Variants in ZNF385D observed in about 807,000 individuals in gnomAD.
The protein encoded by ZNF385D is zinc finger protein 385D.
ZNF385D carries 15 observed loss-of-function variants against 35.8 expected under a neutral mutation model. The ratio of observed to expected loss-of-function variants is 0.42; its 90% CI spans 0.28 to 0.64. The LOEUF (loss-of-function observed/expected upper bound fraction) is 0.64, where lower values mean the gene tolerates loss of function less well. ZNF385D is among the 30% of genes least tolerant of loss of function. The pLI, the probability that ZNF385D is intolerant of heterozygous loss-of-function variation, is 0.23. For synonymous variants in ZNF385D, 212 were observed against 186.8 expected (o/e 1.13, Z -1.10); for missense variants, 474 against 494.6 (o/e 0.96, Z 0.39).
intron 3 of ZNF385D, among the ~76,000 whole-genome samples, chr3:21,900,323 A>T (rs259487): frequency 0.15 from 23,416 of 152,090 alleles, 2,070 homozygotes; most frequent in Middle Eastern, 0.18. Context: ...TTATGGAAAA[A>T]ATCAAATGGA....
chr3:22,353,532 C>T (rs1033585071), intron 2 of ZNF385D, among the ~76,000 whole-genome samples: 1 of 152,158 alleles, frequency 6.6e-6, no homozygotes, highest in Non-Finnish European at 1.5e-5. Context: ...ACCCTGCCAT[C>T]ACAACAATAG....
chr3:22,127,357 T>C (rs1281480150), intron 3 of ZNF385D, among the ~76,000 whole-genome samples: 1 of 75,114 alleles, frequency 1.3e-5, no homozygotes, highest in Non-Finnish European at 2.5e-5. Flanking sequence ...TTTTTTTTTT[T>C]GAGACAGAGT....
At chr3:22,278,434 T>C (rs567796042) in intron 2 of ZNF385D, among the ~76,000 whole-genome samples, 34 of 152,282 alleles carry the variant, frequency 2.2e-4, no homozygotes, top group African/African-American at 8.2e-4. Flanking sequence ...AGTCATTTTC[T>C]GTTTGCCACT....
At chr3:21,595,010 C>G (rs892190820) in intron 2 of ZNF385D, among the ~76,000 whole-genome samples, 1 of 152,196 alleles carries the variant, frequency 6.6e-6, no homozygotes, top group East Asian at 1.9e-4. Context: ...CTTTTTATAA[C>G]CAGCATTAAC....
chr3:22,244,531 G>T lies in ZNF385D; in HGVS notation c.107-75496C>A, dbSNP rs144705458. Among the ~76,000 whole-genome samples, 764 of 150,720 alleles carry T rather than the reference G, an allele frequency of 5.1e-3. 13 individuals carry two copies. The highest frequency in any genetic ancestry group is 8.1e-3 in the Non-Finnish European group (548 of 67,874). On this transcript the variant is annotated intron_variant, in intron 2 of 5. Coordinates refer to the ZNF385D transcript ENST00000494108. ...ATGAAACCCTTACTACTTTGAATTG[G>T]TATGATCAAATCCAAAATGAGATGC...
chr3:21,903,899 A>G (rs1699540378), intron 3 of ZNF385D, among the ~76,000 whole-genome samples: 1 of 152,202 alleles, frequency 6.6e-6, no homozygotes, highest in African/African-American at 2.4e-5. Context: ...AAAGTCACTC[A>G]ATATGAGCCT....
At chr3:21,762,921 C>T (rs998043050) in intron 3 of ZNF385D, among the ~76,000 whole-genome samples, 2 of 152,164 alleles carry the variant, frequency 1.3e-5, no homozygotes, top group African/African-American at 4.8e-5. Flanking sequence ...GCTCAACTTC[C>T]TCTTCTCCCT....
intron 3 of ZNF385D, among the ~76,000 whole-genome samples, chr3:21,813,062 TG>T (rs1234602030): frequency 1.4e-4 from 21 of 152,318 alleles, no homozygotes; most frequent in African/African-American, 5.1e-4. Flanking sequence ...CAGCCTCCGC[TG>T]GTGATACCCA....
intron 3 of ZNF385D, among the ~76,000 whole-genome samples, chr3:21,827,102 G>A (rs1048071581): frequency 3.9e-5 from 6 of 152,106 alleles, no homozygotes; most frequent in African/African-American, 1.4e-4. Flanking sequence ...TAGTTTCAGT[G>A]AAGATGAAAT....
intron 2 of ZNF385D, among the ~76,000 whole-genome samples, chr3:22,370,521 A>G (rs1199737276): frequency 6.7e-6 from 1 of 148,164 alleles, no homozygotes; most frequent in African/African-American, 2.7e-5. Context: ...GTATGAATCA[A>G]TCTATGGTAT....
chr3:22,030,289 A>C (rs1193878204), intron 3 of ZNF385D, among the ~76,000 whole-genome samples: 1 of 98,266 alleles, frequency 1.0e-5, no homozygotes, highest in African/African-American at 4.7e-5. Flanking sequence ...ATATATATAT[A>C]TATATATATA....
intron 4 of ZNF385D, among the ~76,000 whole-genome samples, chr3:21,492,625 A>G (rs1400060561): frequency 1.3e-5 from 2 of 151,762 alleles, no homozygotes; most frequent in Non-Finnish European, 2.9e-5. Context: ...TCCACCAAAA[A>G]CTACAAAAAT....
chr3:21,588,100 C>G (rs909829248), intron 2 of ZNF385D, among the ~76,000 whole-genome samples: 1 of 151,998 alleles, frequency 6.6e-6, no homozygotes, highest in Non-Finnish European at 1.5e-5. Flanking sequence ...AGTGTGCAGT[C>G]TAGTGGGGAT....
chr3:22,272,894 T>C (rs1165287721), intron 2 of ZNF385D, among the ~76,000 whole-genome samples: 1 of 151,972 alleles, frequency 6.6e-6, no homozygotes. Context: ...ACTTGTGGGT[T>C]ACCTCGGGGG....
chr3:22,133,608 C>G lies in ZNF385D; in HGVS notation c.325+35209G>C, dbSNP rs1703932253. 2.0e-5 allele frequency: 3 copies of G among 151,894 alleles called. No individual in the cohort carries two copies. In the South Asian group the frequency reaches 6.2e-4, roughly 32 times the overall value. The allele number at this position is 151,894 out of a possible 1,614,324, so 9.4% of individuals were successfully genotyped here. A position where few individuals can be genotyped will look rare whatever the true frequency, so the allele number is the denominator to read the frequency against. On this transcript the variant is annotated intron_variant, in intron 3 of 5. Coordinates refer to the ZNF385D transcript ENST00000494108. ...TAATTTTTTATATTAATTTTTATTT[C>G]TACTTAGAGGACTGGGGGGAGATAC...
chr3:21,673,314 G>C (rs992831399), intron 1 of ZNF385D, among the ~76,000 whole-genome samples: 2 of 152,094 alleles, frequency 1.3e-5, no homozygotes, highest in African/African-American at 4.8e-5. Context: ...AGCCACATGG[G>C]GCTAGAGGCT....
chr3:21,969,277 C>T (rs958895367), intron 3 of ZNF385D, among the ~76,000 whole-genome samples: 3 of 152,034 alleles, frequency 2.0e-5, no homozygotes, highest in East Asian at 3.9e-4. Context: ...TGCATAATCC[C>T]CACGTGTTAA....
chr3:21,444,202 C>T (rs897564714), intron 4 of ZNF385D, among the ~76,000 whole-genome samples: 1 of 151,432 alleles, frequency 6.6e-6, no homozygotes, highest in Non-Finnish European at 1.5e-5. Context: ...GCCTCAGCCT[C>T]CTGAGTAGCT....
chr3:22,088,753 T>C (rs1218391150), intron 3 of ZNF385D, among the ~76,000 whole-genome samples: 1 of 152,036 alleles, frequency 6.6e-6, no homozygotes, highest in Non-Finnish European at 1.5e-5. Context: ...GATAAGACCT[T>C]AGTAGTAAAA....
Sources: gnomAD v4.1 joint callset for allele counts (sites outside exome capture counted in the v4.1 genomes callset) on GRCh38, gnomAD v4.1.1 for gene constraint, MANE v1.5 for transcripts, NCBI Gene and HGNC (gene_info 2026-07-23, HGNC 2026-07-21) for gene names.